Variants in CNTN4 observed in about 807,000 individuals in gnomAD.
CNTN4 encodes contactin 4, also known as contactin-4.
In CNTN4, 77 loss-of-function variants were observed where a neutral mutation model predicts 122.5. The ratio of observed to expected loss-of-function variants is 0.63; its 90% CI spans 0.52 to 0.76. CNTN4 has a LOEUF of 0.76. CNTN4 is among the 30% of genes least tolerant of loss of function. The pLI is 0.00. For missense variants in CNTN4, 1,256 were observed against 1,259.1 expected, an observed-to-expected ratio of 1.00 and a Z score of 0.04; for synonymous variants, 512 against 447.0, an observed-to-expected ratio of 1.15 and a Z score of -1.83.
intron 14 of CNTN4, among the ~76,000 whole-genome samples, chr3:3,004,657 G>A (rs1696430784): frequency 6.6e-6 from 1 of 152,152 alleles, no homozygotes; most frequent in African/African-American, 2.4e-5. Context: ...AGGATAGTTG[G>A]GAAGACTAAA....
rs139138476 is a variant in CNTN4 at position 2,526,284 on chromosome 3, G to C, written c.-88-45132G>C. On this transcript the variant is annotated intron_variant, in intron 3 of 24. Transcript: ENST00000418658. The stretch of plus-strand genomic sequence containing the variant: ...TTCAGAAGTTGTTAGAATTATCAAA[G>C]TTAAAAGAAGGAAAAGAAGCTGGTA... Among the ~76,000 whole-genome samples the C allele has an allele frequency of 7.0e-4, 107 of 152,196 alleles. 2 individuals carry two copies. The East Asian group carries it at 0.017, about 25-fold the overall frequency.
At chr3:2,806,949 T>TA (rs1178087058) in intron 6 of CNTN4, among the ~76,000 whole-genome samples, 1 of 152,236 alleles carries the variant, frequency 6.6e-6, no homozygotes. Flanking sequence ...CCGGTTTCTC[T>TA]AGCTTATTTT....
chr3:2,520,824 C>A (rs2077186213), intron 3 of CNTN4, among the ~76,000 whole-genome samples: 1 of 152,066 alleles, frequency 6.6e-6, no homozygotes, highest in Non-Finnish European at 1.5e-5. Context: ...ATGACAGAAT[C>A]ACCAGGTGGT....
intron 3 of CNTN4, among the ~76,000 whole-genome samples, chr3:2,550,377 A>G (rs1312896834): frequency 6.6e-6 from 1 of 152,224 alleles, no homozygotes; most frequent in Non-Finnish European, 1.5e-5. Context: ...CATTAGAGAA[A>G]TGCAAATCAA....
chr3:2,353,861 C>G (rs919988284), intron 3 of CNTN4, among the ~76,000 whole-genome samples: 1 of 151,580 alleles, frequency 6.6e-6, no homozygotes, highest in African/African-American at 2.4e-5. Context: ...ATGGCGCCAC[C>G]GCACTCCAGC....
intron 3 of CNTN4, among the ~76,000 whole-genome samples, chr3:2,379,075 C>A (rs978706394): frequency 5.9e-5 from 9 of 152,252 alleles, no homozygotes; most frequent in African/African-American, 1.9e-4. Flanking sequence ...CATTGCCTAG[C>A]ATGTTTACCT....
chr3:2,577,556 T>C (rs770661810), intron 4 of CNTN4, among the ~76,000 whole-genome samples: 7 of 152,180 alleles, frequency 4.6e-5, no homozygotes, highest in Admixed American at 2.0e-4. Context: ...AACAGATGGT[T>C]TTAGAGTCCT....
At chr3:2,878,363 C>G (rs2093868963) in intron 8 of CNTN4, among the ~76,000 whole-genome samples, 2 of 152,190 alleles carry the variant, frequency 1.3e-5, no homozygotes, top group South Asian at 2.1e-4. Context: ...ATATGTTTGA[C>G]TTAATGGCTA....
chr3:2,868,777 A>G (rs1409081859), intron 8 of CNTN4, among the ~76,000 whole-genome samples: 2 of 152,160 alleles, frequency 1.3e-5, no homozygotes, highest in Non-Finnish European at 2.9e-5. Context: ...GCAAACATAA[A>G]CAAAACCAAA....
intron 3 of CNTN4, among the ~76,000 whole-genome samples, chr3:2,567,295 C>G (rs898145981): frequency 6.6e-6 from 1 of 152,038 alleles, no homozygotes; most frequent in African/African-American, 2.4e-5. Context: ...GCCGTGTTAG[C>G]CAGGATGGTC....
At chr3:2,409,726 A>G (rs778170684) in intron 3 of CNTN4, among the ~76,000 whole-genome samples, 2 of 152,184 alleles carry the variant, frequency 1.3e-5, no homozygotes, top group African/African-American at 2.4e-5. Context: ...GTACTTGAAT[A>G]TAAATTTCAA....
chr3:2,661,538 C>T (rs1379583318), intron 4 of CNTN4, among the ~76,000 whole-genome samples: 2 of 151,478 alleles, frequency 1.3e-5, no homozygotes, highest in African/African-American at 2.4e-5. Context: ...CCTGGCCAGG[C>T]GTGGTGGCTC....
chr3:2,421,883 A>G (rs536076902), intron 3 of CNTN4, among the ~76,000 whole-genome samples: 17 of 152,308 alleles, frequency 1.1e-4, no homozygotes, highest in Admixed American at 5.2e-4. Flanking sequence ...GAGATTAAAT[A>G]ATTTGCTCAA....
intron 2 of CNTN4, among the ~76,000 whole-genome samples, chr3:2,307,661 A>G (rs1332692925): frequency 3.9e-5 from 6 of 152,000 alleles, no homozygotes; most frequent in African/African-American, 1.2e-4. Context: ...CTTTTTATGC[A>G]TGTATCAAAT....
At chr3:2,780,857 T>C (rs1257528448) in intron 6 of CNTN4, among the ~76,000 whole-genome samples, 1 of 152,254 alleles carries the variant, frequency 6.6e-6, no homozygotes, top group African/African-American at 2.4e-5. Context: ...TTAGCATCCC[T>C]GCATTATACG....
intron 2 of CNTN4, among the ~76,000 whole-genome samples, chr3:2,275,655 G>A (rs2149848687): frequency 6.6e-6 from 1 of 152,034 alleles, no homozygotes. Flanking sequence ...GGCGCGGTGG[G>A]TAACACCTGT....
intron 3 of CNTN4, among the ~76,000 whole-genome samples, chr3:2,536,149 G>T (rs2077795775): frequency 6.6e-6 from 1 of 152,112 alleles, no homozygotes; most frequent in Non-Finnish European, 1.5e-5. Context: ...GGGTGAAACA[G>T]TTCAGAACCA....
At chr3:2,888,541 A>G (rs2094003312) in intron 10 of CNTN4, among the ~76,000 whole-genome samples, 1 of 152,058 alleles carries the variant, frequency 6.6e-6, no homozygotes, top group Non-Finnish European at 1.5e-5. Context: ...CTCAGATGCT[A>G]ATACTGCCAT....
intron 3 of CNTN4, among the ~76,000 whole-genome samples, chr3:2,529,170 T>A (rs1219519062): frequency 6.6e-6 from 1 of 152,100 alleles, no homozygotes; most frequent in Non-Finnish European, 1.5e-5. Context: ...GATCAACTTT[T>A]CTTAGCTTCT....
Sources: allele counts gnomAD v4.1 joint callset (sites outside exome capture counted in the v4.1 genomes callset), GRCh38; gene constraint gnomAD v4.1.1; transcripts MANE v1.5; gene names NCBI Gene and HGNC (gene_info 2026-07-23, HGNC 2026-07-21).